Variants in TMPRSS11D observed in about 807,000 individuals in gnomAD.
The protein encoded by TMPRSS11D is transmembrane serine protease 11D.
In TMPRSS11D, 32 loss-of-function variants were observed where a neutral mutation model predicts 44.4. The observed-to-expected ratio is 0.72, with a 90% CI of 0.54 to 0.97. The LOEUF is 0.97. Ranked by LOEUF, TMPRSS11D falls within the 50% of genes least tolerant of loss-of-function variation. TMPRSS11D has a pLI of 0.00. For synonymous variants in TMPRSS11D, 179 were observed against 177.9 expected, an observed-to-expected ratio of 1.01 and a Z score of -0.05; for missense variants, 446 against 502.6, an observed-to-expected ratio of 0.89 and a Z score of 1.08.
chr4:67,847,999 G>A (rs1259884517), intron 3 of TMPRSS11D, among the ~76,000 whole-genome samples: 2 of 152,162 alleles, frequency 1.3e-5, no homozygotes, highest in African/African-American at 2.4e-5. Context: ...TAGGCTTTCA[G>A]TAACAATCAA....
intron 5 of TMPRSS11D, among the ~76,000 whole-genome samples, chr4:67,835,446 T>A (rs894512920): frequency 6.6e-6 from 1 of 152,132 alleles, no homozygotes; most frequent in Non-Finnish European, 1.5e-5. Flanking sequence ...AACAGAAACA[T>A]AAGCAAGTCA....
chr4:67,883,437 T>C (rs1719374438), intron 1 of TMPRSS11D, among the ~76,000 whole-genome samples: 1 of 152,066 alleles, frequency 6.6e-6, no homozygotes, highest in African/African-American at 2.4e-5. Flanking sequence ...TGAAAATAAT[T>C]CTACAACTAT....
intron 4 of TMPRSS11D, among the ~76,000 whole-genome samples, chr4:67,841,035 G>A (rs1718215119): frequency 1.3e-5 from 2 of 152,074 alleles, no homozygotes; most frequent in Admixed American, 6.6e-5. Flanking sequence ...TGAGAGACAT[G>A]ATAAAGTTCC....
intron 2 of TMPRSS11D, among the ~76,000 whole-genome samples, chr4:67,854,941 A>G (rs1718597175): frequency 6.6e-6 from 1 of 152,110 alleles, no homozygotes; most frequent in Non-Finnish European, 1.5e-5. Flanking sequence ...CTGAGAGAAA[A>G]CCAGACAAGG....
At chr4:67,875,155 C>G (rs943579787) in intron 1 of TMPRSS11D, among the ~76,000 whole-genome samples, 2 of 152,068 alleles carry the variant, frequency 1.3e-5, no homozygotes, top group African/African-American at 4.8e-5. Flanking sequence ...GAACAGAGTT[C>G]CAAGGTCTAT....
At chr4:67,824,373 G>T (rs1041718695) in intron 9 of TMPRSS11D, among the ~76,000 whole-genome samples, 5 of 151,984 alleles carry the variant, frequency 3.3e-5, no homozygotes, top group Non-Finnish European at 1.5e-5. Context: ...CTTAATTAAT[G>T]CTCTTAGTAG....
At chr4:67,852,918 A>G (rs1476586958) in intron 3 of TMPRSS11D, among the ~76,000 whole-genome samples, 16 of 151,954 alleles carry the variant, frequency 1.1e-4, no homozygotes, top group Admixed American at 9.2e-4. Context: ...TTTATAATAT[A>G]AAATACATAC....
intron 3 of TMPRSS11D, among the ~76,000 whole-genome samples, chr4:67,849,450 T>G (rs1371926): frequency 0.72 from 108,777 of 151,988 alleles, 41,394 homozygotes; most frequent in Middle Eastern, 0.86. Flanking sequence ...AGAGGAGAGG[T>G]GGACATAAGT....
At chr4:67,851,859 C>A (rs1718518201) in intron 3 of TMPRSS11D, among the ~76,000 whole-genome samples, 1 of 152,216 alleles carries the variant, frequency 6.6e-6, no homozygotes, top group African/African-American at 2.4e-5. Flanking sequence ...TTAAGCCCAT[C>A]CTTTCCTCTC....
At chr4:67,871,233 CTTAT>C (rs1044097206) in intron 1 of TMPRSS11D, among the ~76,000 whole-genome samples, 22 of 152,262 alleles carry the variant, frequency 1.4e-4, no homozygotes, top group African/African-American at 4.8e-4. Context: ...CTGCAGAAGA[CTTAT>C]TTAAAGAAAC....
At chr4:67,873,409 G>A (rs1194779747) in intron 1 of TMPRSS11D, among the ~76,000 whole-genome samples, 1 of 152,136 alleles carries the variant, frequency 6.6e-6, no homozygotes, top group Non-Finnish European at 1.5e-5. Context: ...GAAATGTCTT[G>A]CTGTACCCAT....
At chr4:67,836,338 T>A (rs1449780797) in intron 5 of TMPRSS11D, among the ~76,000 whole-genome samples, 1 of 152,186 alleles carries the variant, frequency 6.6e-6, no homozygotes, top group Admixed American at 6.6e-5. Context: ...CTTCCTTGAT[T>A]GAAATTTTTA....
At chr4:67,825,695 T>A in intron 9 of TMPRSS11D, 37 bp downstream of exon 9, 2 of 1,608,030 alleles carry the variant, frequency 1.2e-6, no homozygotes, top group Non-Finnish European at 1.7e-6. Context: ...TATACACTTC[T>A]TGGATGATGA....
chr4:67,832,347 G>A (rs185949801), intron 7 of TMPRSS11D, among the ~76,000 whole-genome samples: 3 of 152,126 alleles, frequency 2.0e-5, no homozygotes, highest in African/African-American at 4.8e-5. Flanking sequence ...AACTGTTGTG[G>A]TCTGCGATGC....
intron 7 of TMPRSS11D, among the ~76,000 whole-genome samples, chr4:67,827,885 A>T (rs1560536596): frequency 6.6e-6 from 1 of 152,074 alleles, no homozygotes; most frequent in Non-Finnish European, 1.5e-5. Flanking sequence ...GAAATAATAA[A>T]CATTTTAGAT....
intron 1 of TMPRSS11D, among the ~76,000 whole-genome samples, chr4:67,880,229 T>C (rs1284701095): frequency 6.6e-6 from 1 of 152,218 alleles, no homozygotes; most frequent in Non-Finnish European, 1.5e-5. Context: ...TTAATAGATG[T>C]CTCGTACCAA....
intron 1 of TMPRSS11D, among the ~76,000 whole-genome samples, chr4:67,872,505 A>G (rs1214864121): frequency 6.6e-6 from 1 of 152,194 alleles, no homozygotes; most frequent in African/African-American, 2.4e-5. Flanking sequence ...GATGAGGAAA[A>G]TATTTTGAAA....
intron 1 of TMPRSS11D, among the ~76,000 whole-genome samples, chr4:67,869,774 A>C (rs1719012379): frequency 6.6e-6 from 1 of 152,224 alleles, no homozygotes; most frequent in African/African-American, 2.4e-5. Context: ...TGGTAGAAGG[A>C]CCACACCTAT....
chr4:67,862,149 G>T (rs529813225), intron 1 of TMPRSS11D, among the ~76,000 whole-genome samples: 2 of 152,090 alleles, frequency 1.3e-5, no homozygotes, highest in African/African-American at 2.4e-5. Flanking sequence ...AAAATTGCAT[G>T]AGGGTGGAAA....
Sources: allele counts gnomAD v4.1 joint callset (sites outside exome capture counted in the v4.1 genomes callset), GRCh38; gene constraint gnomAD v4.1.1; transcripts MANE v1.5; gene names NCBI Gene and HGNC (gene_info 2026-07-23, HGNC 2026-07-21).